The following PRKCB variants were observed in gnomAD, a reference collection of about 807,000 sequenced individuals.
PRKCB encodes protein kinase C beta, also known as protein kinase C beta type.
A neutral mutation model predicts 81.5 loss-of-function variants in PRKCB; 13 were observed. That is an observed-to-expected ratio of 0.16 (90% CI 0.10 to 0.25). The LOEUF (loss-of-function observed/expected upper bound fraction) is 0.25, where lower values mean the gene tolerates loss of function less well. PRKCB is among the 10% of genes least tolerant of loss of function. The pLI is 1.00. For synonymous variants in PRKCB, 335 were observed against 321.4 expected, an observed-to-expected ratio of 1.04 and a Z score of -0.45; for missense variants, 509 against 875.7, an observed-to-expected ratio of 0.58 and a Z score of 5.29.
In PRKCB at chr16:24,183,981, T is replaced by G. The variant is rs1291579004; in HGVS notation, c.1534-1130T>G. ...TACACCAATTCTACATCTAGGAGTT[T>G]ATCTTAAGGAAATACTTGGACAGAT... On this transcript the variant is annotated intron_variant, in intron 13 of 16. Coordinates refer to ENST00000643927, the MANE Select transcript of PRKCB (RefSeq NM_002738.7). 1.3e-5 allele frequency among the ~76,000 whole-genome samples: 2 copies of G among 152,228 alleles called. 1 individual carries two copies. The highest frequency in any genetic ancestry group is 1.3e-4 in the Admixed American group (2 of 15,284).
intron 2 of PRKCB, among the ~76,000 whole-genome samples, chr16:23,890,917 CTGAAGA>C (rs1963282731): frequency 6.6e-6 from 1 of 152,028 alleles, no homozygotes; most frequent in South Asian, 2.1e-4. Flanking sequence ...CACTTCATCC[CTGAAGA>C]TGAATGGGAC....
rs8056024 is a variant in PRKCB, at chr16:24,008,411, A to G, written c.288+19821A>G. The stretch of plus-strand genomic sequence containing the variant: ...CGTGTGGACATCTCTCCCAAACAGG[A>G]TCAAATTGGCCTCTTCTAGGAGTTT... On this transcript the variant is annotated intron_variant, in intron 3 of 16. Transcript: ENST00000643927. 4.6e-3 allele frequency among the ~76,000 whole-genome samples: 705 copies of G among 152,378 alleles called. 6 individuals are homozygous for G. Among genetic ancestry groups the G allele is most frequent in the African/African-American group, 0.015 (622 of 41,594 alleles).
At chr16:24,058,050 C>A (rs1157383716) in intron 5 of PRKCB, among the ~76,000 whole-genome samples, 2 of 152,150 alleles carry the variant, frequency 1.3e-5, no homozygotes, top group African/African-American at 4.8e-5. Context: ...TTGTTCTTTT[C>A]CCATGATAGC....
chr16:24,058,744 C>T (rs1965937148), intron 5 of PRKCB, among the ~76,000 whole-genome samples: 2 of 152,172 alleles, frequency 1.3e-5, no homozygotes, highest in Admixed American at 6.5e-5. Flanking sequence ...AATGCCAGCT[C>T]ACAGAAGAGC....
At chr16:24,060,480 T>C (rs1965958457) in intron 5 of PRKCB, among the ~76,000 whole-genome samples, 1 of 152,226 alleles carries the variant, frequency 6.6e-6, no homozygotes. Flanking sequence ...TATGCATGTA[T>C]CACATCTACA....
At chr16:23,997,269 T>C (rs1201533969) in intron 3 of PRKCB, among the ~76,000 whole-genome samples, 2 of 152,170 alleles carry the variant, frequency 1.3e-5, no homozygotes, top group African/African-American at 4.8e-5. Flanking sequence ...AAAGGAAAAA[T>C]GTGTCTGGAT....
rs566670913 is a variant in PRKCB at position 24,072,369 on chromosome 16, G to A, written c.530-20422G>A. On this transcript the variant is annotated intron_variant, in intron 5 of 16. Transcript: ENST00000643927. Reference sequence around the variant, plus strand: ...TGCAGCCTGGAACTCCTGAGCTCAAGCAATCCTCCCACATCAGCCTCCTAA... The same window carrying A: ...TGCAGCCTGGAACTCCTGAGCTCAAACAATCCTCCCACATCAGCCTCCTAA... Among the ~76,000 whole-genome samples, 185 of 152,040 alleles carry A rather than the reference G, an allele frequency of 1.2e-3. 1 individual carries two copies. The highest frequency in any genetic ancestry group is 4.4e-3 in the African/African-American group (181 of 41,430).
intron 2 of PRKCB, among the ~76,000 whole-genome samples, chr16:23,979,803 T>C (rs948394098): frequency 6.6e-6 from 1 of 152,098 alleles, no homozygotes; most frequent in Admixed American, 6.5e-5. Flanking sequence ...CTTGGGCAAA[T>C]TACTTCTCTC....
chr16:23,948,708 T>C (rs1757407502), intron 2 of PRKCB, among the ~76,000 whole-genome samples: 1 of 152,194 alleles, frequency 6.6e-6, no homozygotes, highest in Non-Finnish European at 1.5e-5. Context: ...TGCCTGGCCC[T>C]CCTTGAATTC....
At chr16:23,982,743 T>G (rs7184781) in intron 2 of PRKCB, among the ~76,000 whole-genome samples, 89,667 of 151,974 alleles carry the variant, frequency 0.59, 26,788 homozygotes, top group South Asian at 0.78. Flanking sequence ...GTGGCCTTTC[T>G]GATCTTGCCT....
chr16:24,028,554 GTT>G (rs1965512104), intron 3 of PRKCB, among the ~76,000 whole-genome samples: 2 of 152,202 alleles, frequency 1.3e-5, no homozygotes, highest in Non-Finnish European at 1.5e-5. Flanking sequence ...ATAGTTTTGT[GTT>G]TTTCAGAACA....
chr16:24,021,053 T>TCC (rs1965367930), intron 3 of PRKCB, among the ~76,000 whole-genome samples: 2 of 85,360 alleles, frequency 2.3e-5, no homozygotes, highest in African/African-American at 6.3e-5. Context: ...TTTCTTTCTT[T>TCC]CTTTCCCTCC....
intron 9 of PRKCB, 34 bp from the exon 10 acceptor site, chr16:24,154,650 C>T (rs1967129185): frequency 3.7e-6 from 6 of 1,610,056 alleles, no homozygotes; most frequent in Non-Finnish European, 5.1e-6. Context: ...CAGACTCCTT[C>T]CAACTGCCCT....
chr16:24,183,624 G>A (rs1368334018), intron 13 of PRKCB, among the ~76,000 whole-genome samples: 1 of 152,198 alleles, frequency 6.6e-6, no homozygotes, highest in African/African-American at 2.4e-5. Context: ...TCTAGGATTA[G>A]TTAACATTTT....
At chr16:24,036,088 C>T (rs1209419550) in intron 5 of PRKCB, among the ~76,000 whole-genome samples, 1 of 152,110 alleles carries the variant, frequency 6.6e-6, no homozygotes. Context: ...TTTCTTGAAC[C>T]TGATGGTGGC....
At chr16:23,982,107 C>A (rs1596497433) in intron 2 of PRKCB, among the ~76,000 whole-genome samples, 1 of 61,668 alleles carries the variant, frequency 1.6e-5, no homozygotes, top group Non-Finnish European at 3.2e-5. Context: ...TTTCCCTTCC[C>A]TTCCCTTTCC....
chr16:24,219,784 C>A lies in PRKCB; in HGVS notation c.*4968C>A. The A allele has an allele frequency of 3.6e-6, 5 of 1,408,386 alleles. No homozygotes were observed. The highest frequency in any genetic ancestry group is 4.6e-6 in the Non-Finnish European group (5 of 1,083,328). 87.2% of individuals were successfully genotyped at this position (1,408,386 alleles called of 1,614,324 possible). A position where few individuals can be genotyped will look rare whatever the true frequency, so the allele number is the denominator to read the frequency against. On this transcript the variant is annotated 3_prime_UTR_variant, in exon 17 of 17. Transcript: ENST00000643927. ...TTTCCACCACATTTCTATCCCCAAG[C>A]CAACATACAATGTGAAATGAAAGCC...
intron 2 of PRKCB, among the ~76,000 whole-genome samples, chr16:23,862,837 G>T (rs1962696502): frequency 6.6e-6 from 1 of 152,014 alleles, no homozygotes; most frequent in African/African-American, 2.4e-5. Context: ...AGAAAGAAAG[G>T]TATTCCTAGC....
chr16:23,914,668 G>T (rs1242677045), intron 2 of PRKCB, among the ~76,000 whole-genome samples: 1 of 152,124 alleles, frequency 6.6e-6, no homozygotes, highest in Non-Finnish European at 1.5e-5. Flanking sequence ...AATGAGTTAA[G>T]ACCTGCACAG....
Sources: allele counts gnomAD v4.1 joint callset (sites outside exome capture counted in the v4.1 genomes callset), GRCh38; gene constraint gnomAD v4.1.1; transcripts MANE v1.5; gene names NCBI Gene and HGNC (gene_info 2026-07-23, HGNC 2026-07-21).